Variants in CYRIB observed in about 807,000 individuals in gnomAD.
CYRIB encodes the protein CYFIP-related Rac1 interactor B.
Under a neutral mutation model 44.2 loss-of-function variants are expected in CYRIB, and 8 were observed. That is an observed-to-expected ratio of 0.18 (90% CI 0.11 to 0.33). The LOEUF is 0.33. CYRIB is among the 10% of genes least tolerant of loss of function. The probability of loss-of-function intolerance (pLI) is 1.00; values close to 1 mark genes in which losing one functional copy is unlikely to be tolerated. For synonymous variants in CYRIB, 131 were observed against 127.2 expected, an observed-to-expected ratio of 1.03 and a Z score of -0.20; for missense variants, 185 against 382.8, an observed-to-expected ratio of 0.48 and a Z score of 4.31.
exon 8 of CYRIB, chr8:129,852,269 C>T (rs2043683708): frequency 1.3e-6 from 2 of 1,558,634 alleles, no homozygotes; most frequent in Non-Finnish European, 1.7e-6. Context: ...ACTTCATTTT[C>T]TCCTTCTGCC....
intron 2 of CYRIB, among the ~76,000 whole-genome samples, chr8:129,895,699 T>C (rs1447194032): frequency 6.6e-6 from 1 of 152,162 alleles, no homozygotes; most frequent in African/African-American, 2.4e-5. Context: ...TGGTTATTTA[T>C]TTATGTATTT....
At chr8:129,978,569 C>T (rs1188345029) in intron 1 of CYRIB, among the ~76,000 whole-genome samples, 1 of 152,240 alleles carries the variant, frequency 6.6e-6, no homozygotes, top group African/African-American at 2.4e-5. Context: ...GAATCCTCCC[C>T]TGTGCTAGAG....
intron 4 of CYRIB, among the ~76,000 whole-genome samples, chr8:129,870,685 C>G (rs916376002): frequency 2.0e-5 from 3 of 152,156 alleles, no homozygotes; most frequent in African/African-American, 7.2e-5. Context: ...TCAAGAAACA[C>G]AGCACGGGCA....
At chr8:129,984,420 T>C (rs2096372645) in intron 1 of CYRIB, among the ~76,000 whole-genome samples, 1 of 152,044 alleles carries the variant, frequency 6.6e-6, no homozygotes, top group African/African-American at 2.4e-5. Context: ...AAGCCCACAG[T>C]CACTGCTGTT....
chr8:129,993,077 A>T (rs952154372), intron 1 of CYRIB, among the ~76,000 whole-genome samples: 3 of 152,178 alleles, frequency 2.0e-5, no homozygotes, highest in African/African-American at 7.2e-5. Flanking sequence ...CCTCTCATTC[A>T]TCTTGTTCAT....
chr8:129,992,764 C>T (rs965271814), intron 1 of CYRIB, among the ~76,000 whole-genome samples: 11 of 152,104 alleles, frequency 7.2e-5, no homozygotes, highest in Admixed American at 5.9e-4. Flanking sequence ...CAGTTGAGAT[C>T]GCTAACAACA....
chr8:129,846,305 A>T (rs1341086460), intron 11 of CYRIB, among the ~76,000 whole-genome samples: 2 of 152,252 alleles, frequency 1.3e-5, no homozygotes, highest in Admixed American at 6.5e-5. Context: ...TTAAGAGGAA[A>T]GAGCTAGTTA....
intron 2 of CYRIB, among the ~76,000 whole-genome samples, chr8:129,883,714 T>A (rs1186698464): frequency 6.6e-6 from 1 of 152,188 alleles, no homozygotes; most frequent in Admixed American, 6.5e-5. Flanking sequence ...ACTGCCTGGG[T>A]CTGAAACCCA....
At chr8:129,859,280 A>G in intron 5 of CYRIB, among the ~76,000 whole-genome samples, 1 of 152,188 alleles carries the variant, frequency 6.6e-6, no homozygotes, top group East Asian at 1.9e-4. Flanking sequence ...TACTTTCACT[A>G]ATTTGCTACT....
At chr8:129,934,264 T>C (rs1473325589) in intron 1 of CYRIB, among the ~76,000 whole-genome samples, 1 of 152,192 alleles carries the variant, frequency 6.6e-6, no homozygotes, top group Non-Finnish European at 1.5e-5. Context: ...TCCAGCCTGA[T>C]GTTCCTATTT....
rs546559876 is a variant in CYRIB, at chr8:129,861,145, G to A, written c.301+1084C>T. Among the ~76,000 whole-genome samples, 7 of 152,170 alleles carry A rather than the reference G, an allele frequency of 4.6e-5. No homozygotes were observed. In the South Asian group the frequency reaches 8.3e-4, roughly 18 times the overall value. ...TACGTGTTTTAACTACATTCAAATC[G>A]TCCTAATTTCTGACACACATCTATA... On this transcript the variant is annotated intron_variant, in intron 5 of 11. Coordinates refer to ENST00000519824, the Ensembl canonical transcript of CYRIB.
intron 3 of CYRIB, among the ~76,000 whole-genome samples, chr8:129,876,431 C>A (rs1165681890): frequency 6.6e-6 from 1 of 152,116 alleles, no homozygotes; most frequent in Non-Finnish European, 1.5e-5. Flanking sequence ...AGATTGAGAG[C>A]TTCCAGCATG....
intron 1 of CYRIB, among the ~76,000 whole-genome samples, chr8:130,011,750 A>G (rs569786795): frequency 2.5e-4 from 38 of 151,802 alleles, no homozygotes; most frequent in African/African-American, 5.8e-4. Flanking sequence ...GAAGAATGGC[A>G]TGAATCCGGG....
At chr8:129,953,471 C>T (rs1326743589) in intron 2 of CYRIB, among the ~76,000 whole-genome samples, 1 of 152,192 alleles carries the variant, frequency 6.6e-6, no homozygotes, top group Non-Finnish European at 1.5e-5. Context: ...TTGAGCAAAC[C>T]AGGTCAGATC....
intron 1 of CYRIB, among the ~76,000 whole-genome samples, chr8:129,919,189 T>C (rs2082278543): frequency 6.6e-6 from 1 of 152,202 alleles, no homozygotes. Context: ...ATAGTTTTTC[T>C]GGACTGATAA....
intron 1 of CYRIB, among the ~76,000 whole-genome samples, chr8:130,007,149 G>A (rs1233733121): frequency 6.6e-6 from 1 of 152,068 alleles, no homozygotes; most frequent in African/African-American, 2.4e-5. Context: ...CTTGGCTGAC[G>A]AGTTTGCAGT....
At chr8:129,885,140 C>T (rs1482952748) in intron 2 of CYRIB, among the ~76,000 whole-genome samples, 5 of 152,196 alleles carry the variant, frequency 3.3e-5, no homozygotes, top group African/African-American at 4.8e-5. Flanking sequence ...TTTTTCTCCT[C>T]AAGGTACTTT....
intron 1 of CYRIB, among the ~76,000 whole-genome samples, chr8:129,919,642 TAAAA>T (rs939400221): frequency 6.6e-6 from 1 of 152,086 alleles, no homozygotes; most frequent in African/African-American, 2.4e-5. Context: ...CTTACATACT[TAAAA>T]AAACACCAGT....
Position 129,859,820 on chromosome 8 carries a change from G to T in CYRIB, c.301+2409C>A, listed in dbSNP as rs1181061393. On this transcript the variant is annotated intron_variant, in intron 5 of 11. Transcript: ENST00000519824. ...GTAATCATATCTAAGATCTATATCT[G>T]GTATAACTATTCTTGTTTCATATTT... Among the ~76,000 whole-genome samples the T allele has an allele frequency of 2.0e-5, 3 of 152,170 alleles. No homozygotes were observed. In the East Asian group the frequency reaches 5.8e-4, roughly 29 times the overall value.
Sources: allele counts gnomAD v4.1 joint callset (sites outside exome capture counted in the v4.1 genomes callset), GRCh38; gene constraint gnomAD v4.1.1; transcripts MANE v1.5; gene names NCBI Gene and HGNC (gene_info 2026-07-23, HGNC 2026-07-21).